PCSK2: variants seen among roughly 807,000 people sequenced by gnomAD.
PCSK2 encodes the protein proprotein convertase subtilisin/kexin type 2, also known as neuroendocrine convertase 2.
Under a neutral mutation model 69.7 loss-of-function variants are expected in PCSK2, and 14 were observed. That is an observed-to-expected ratio of 0.20 (90% confidence interval 0.13 to 0.31). PCSK2 has a LOEUF of 0.31. PCSK2 is among the 10% of genes least tolerant of loss of function. PCSK2 has a pLI of 1.00. For synonymous variants in PCSK2, 307 were observed against 320.7 expected, an observed-to-expected ratio of 0.96 and a Z score of 0.46; for missense variants, 544 against 842.5, an observed-to-expected ratio of 0.65 and a Z score of 4.39.
chr20:17,269,102 C>T (rs893074221), intron 2 of PCSK2, among the ~76,000 whole-genome samples: 2 of 152,030 alleles, frequency 1.3e-5, no homozygotes, highest in Non-Finnish European at 2.9e-5. Context: ...GTTTTAAGCA[C>T]GTTAACATTT....
At chr20:17,229,191 C>T (rs1193979508) in intron 1 of PCSK2, among the ~76,000 whole-genome samples, 1 of 151,812 alleles carries the variant, frequency 6.6e-6, no homozygotes, top group Non-Finnish European at 1.5e-5. Context: ...ATTATTGAGC[C>T]TATGGCCCCG....
chr20:17,463,131 C>T (rs1397841350), intron 10 of PCSK2, among the ~76,000 whole-genome samples: 1 of 123,948 alleles, frequency 8.1e-6, no homozygotes, highest in Non-Finnish European at 1.8e-5. Context: ...TTCTCTCTCT[C>T]TCATGCTCTC....
intron 5 of PCSK2, among the ~76,000 whole-genome samples, chr20:17,385,271 C>A (rs528827338): frequency 3.2e-4 from 49 of 152,282 alleles, no homozygotes; most frequent in African/African-American, 1.2e-3. Context: ...AAACTTAAGT[C>A]CAGAGAGCTT....
intron 2 of PCSK2, among the ~76,000 whole-genome samples, chr20:17,292,243 C>G (rs542850787): frequency 1.2e-4 from 18 of 152,116 alleles, no homozygotes; most frequent in Non-Finnish European, 2.1e-4. Context: ...AATTTTAACT[C>G]TAATTCATTT....
intron 8 of PCSK2, among the ~76,000 whole-genome samples, chr20:17,441,478 T>C (rs1259009002): frequency 6.6e-6 from 1 of 152,198 alleles, no homozygotes; most frequent in Non-Finnish European, 1.5e-5. Context: ...TATGCCCCTG[T>C]ATTAATCTGT....
At chr20:17,270,780 G>A (rs1987834067) in intron 2 of PCSK2, among the ~76,000 whole-genome samples, 2 of 152,244 alleles carry the variant, frequency 1.3e-5, no homozygotes, top group South Asian at 4.1e-4. Flanking sequence ...TGTGGAAAGA[G>A]ACCCAAATAA....
chr20:17,293,944 A>C (rs972296259), intron 2 of PCSK2, among the ~76,000 whole-genome samples: 8 of 152,062 alleles, frequency 5.3e-5, no homozygotes, highest in Non-Finnish European at 1.0e-4. Flanking sequence ...CCTTTTTGAA[A>C]GTGTATCTTT....
chr20:17,427,539 C>T (rs2032273710), intron 6 of PCSK2, among the ~76,000 whole-genome samples: 1 of 152,192 alleles, frequency 6.6e-6, no homozygotes. Context: ...GTCCCTCTAG[C>T]CTTGTTCATT....
intron 5 of PCSK2, among the ~76,000 whole-genome samples, chr20:17,396,522 C>T: frequency 6.6e-6 from 1 of 152,294 alleles, no homozygotes; most frequent in Non-Finnish European, 1.5e-5. Context: ...CCATTGTTTC[C>T]ACATCATCCT....
chr20:17,334,626 C>T (rs1990296179), intron 2 of PCSK2, among the ~76,000 whole-genome samples: 1 of 152,004 alleles, frequency 6.6e-6, no homozygotes, highest in South Asian at 2.1e-4. Flanking sequence ...AAAGTTAAGG[C>T]TGGGGAGGGC....
intron 2 of PCSK2, among the ~76,000 whole-genome samples, chr20:17,327,654 C>A (rs924066093): frequency 2.0e-5 from 3 of 152,214 alleles, no homozygotes; most frequent in Non-Finnish European, 4.4e-5. Flanking sequence ...ACGAAGTCAC[C>A]GAGCAGCTGC....
At chr20:17,324,928 C>T (rs996348218) in intron 2 of PCSK2, among the ~76,000 whole-genome samples, 19 of 152,290 alleles carry the variant, frequency 1.2e-4, no homozygotes, top group African/African-American at 4.1e-4. Context: ...TCCAGCCCTA[C>T]CAGGCTTTGT....
chr20:17,345,960 G>A (rs1990640050), intron 2 of PCSK2, among the ~76,000 whole-genome samples: 1 of 152,162 alleles, frequency 6.6e-6, no homozygotes, highest in African/African-American at 2.4e-5. Flanking sequence ...GATGCTATTA[G>A]CTCTTTCCAT....
chr20:17,271,254 C>T (rs141280073), intron 2 of PCSK2, among the ~76,000 whole-genome samples: 7 of 151,662 alleles, frequency 4.6e-5, no homozygotes, highest in Admixed American at 3.3e-4. Context: ...TTTCTTGTCT[C>T]GGGGGAAATA....
chr20:17,365,965 G>A (rs967756442), intron 4 of PCSK2, among the ~76,000 whole-genome samples: 2 of 152,152 alleles, frequency 1.3e-5, no homozygotes, highest in African/African-American at 2.4e-5. Context: ...CTCCCACACT[G>A]GAATCACATG....
intron 8 of PCSK2, among the ~76,000 whole-genome samples, chr20:17,451,242 C>T (rs535602855): frequency 6.6e-6 from 1 of 152,358 alleles, no homozygotes; most frequent in East Asian, 1.9e-4. Context: ...CAATTGCTCT[C>T]TGTGTAACAG....
intron 7 of PCSK2, among the ~76,000 whole-genome samples, chr20:17,435,160 TA>T (rs2032457961): frequency 6.6e-6 from 1 of 152,330 alleles, no homozygotes; most frequent in South Asian, 2.1e-4. Flanking sequence ...CAGAGCCTGT[TA>T]TTCATTCTTC....
At chr20:17,380,519 T>G (rs2031059422) in intron 5 of PCSK2, among the ~76,000 whole-genome samples, 1 of 152,200 alleles carries the variant, frequency 6.6e-6, no homozygotes, top group Admixed American at 6.5e-5. Flanking sequence ...TTAATCTCTC[T>G]GTGTCTCAAT....
rs3076122 is a variant in PCSK2, at chr20:17,460,218, TAAAC to T, written c.1202+3774_1202+3777del. 6.6e-4 allele frequency among the ~76,000 whole-genome samples: 87 copies of T among 131,380 alleles called. 1 individual carries two copies. Among genetic ancestry groups the T allele is most frequent in the African/African-American group, 2.2e-3 (79 of 35,176 alleles). 86.2% of individuals were successfully genotyped at this position (131,380 alleles called of 152,430 possible). A position where few individuals can be genotyped will look rare whatever the true frequency, so the allele number is the denominator to read the frequency against. On this transcript the variant is annotated intron_variant, in intron 10 of 11. Coordinates refer to ENST00000262545, the MANE Select transcript of PCSK2 (RefSeq NM_002594.5). ...CACAAAGGGCAAAAAAATAAATAAA[TAAAC>T]AAATAAAAGAGAGAGAGAGAAGGAG...
Sources: gnomAD v4.1 joint callset for allele counts (sites outside exome capture counted in the v4.1 genomes callset) on GRCh38, gnomAD v4.1.1 for gene constraint, MANE v1.5 for transcripts, NCBI Gene and HGNC (gene_info 2026-07-23, HGNC 2026-07-21) for gene names.